The following PAX1 variants were observed in gnomAD, a reference collection of about 807,000 sequenced individuals.
The protein encoded by PAX1 is paired box protein Pax-1.
PAX1 carries 18 observed loss-of-function variants against 35.6 expected under a neutral mutation model. That is an observed-to-expected ratio of 0.50 (90% CI 0.35 to 0.75). The LOEUF (loss-of-function observed/expected upper bound fraction) is 0.75, where lower values mean the gene tolerates loss of function less well. Among genes scored for constraint, PAX1 ranks in the 30% least tolerant of loss-of-function variants. The probability of loss-of-function intolerance (pLI) is 0.01; values close to 1 mark genes in which losing one functional copy is unlikely to be tolerated. For missense variants in PAX1, 760 were observed against 661.5 expected, an observed-to-expected ratio of 1.15 and a Z score of -1.63; for synonymous variants, 397 against 305.2, an observed-to-expected ratio of 1.30 and a Z score of -3.14.
At position 21,706,617 on chromosome 20, in the gene PAX1, G is replaced by C; in HGVS notation, c.466G>C (p.Glu156Gln). ...CVSKILARYN[E>Q]TGSILPGAIG... ...GAGCAAGATCCTGGCGCGCTACAAC[G>C]AGACCGGCTCCATTCTGCCCGGGGC... Residue 156 changes from glutamate to glutamine, a missense_variant, in exon 2 of 5, where the codon GAG becomes CAG. This residue lies in a region of PAX1 where 490 missense variants were observed against 428.4 expected (regional missense o/e 1.14). Transcript: ENST00000613128. The surrounding 1 kb of genome is among the most constrained non-coding windows in gnomAD (Gnocchi z 5.3). 1.2e-6 allele frequency: 2 copies of C among 1,612,208 alleles called. No homozygotes were observed. The highest frequency in any genetic ancestry group is 8.5e-7 in the Non-Finnish European group (1 of 1,180,028).
intron 4 of PAX1, among the ~76,000 whole-genome samples, chr20:21,709,731 G>A (rs989114162): frequency 4.6e-5 from 7 of 152,084 alleles, no homozygotes; most frequent in African/African-American, 1.7e-4. Context: ...CAGGACGCGT[G>A]GGTTTGGATC....
intron 2 of PAX1, among the ~76,000 whole-genome samples, chr20:21,707,945 C>G (rs1397106922): frequency 6.6e-6 from 1 of 152,186 alleles, no homozygotes; most frequent in Non-Finnish European, 1.5e-5. Context: ...TGGCTCTAAC[C>G]CAGCCTAAGG....
At chr20:21,708,768 AAGAG>A (rs1224539172) in intron 3 of PAX1, 68 bp downstream of exon 3, 15 of 1,536,412 alleles carry the variant, frequency 9.8e-6, no homozygotes, top group Non-Finnish European at 1.3e-5. Flanking sequence ...AGTGGGGAAA[AAGAG>A]AGAGAAAGAA....
chr20:21,714,175 G>T (rs989278790), intron 4 of PAX1, among the ~76,000 whole-genome samples: 5 of 152,220 alleles, frequency 3.3e-5, no homozygotes, highest in Non-Finnish European at 7.3e-5. Flanking sequence ...GGTGGTGAGG[G>T]GGTTGGACGG....
At chr20:21,710,570 G>T (rs1985168167) in intron 4 of PAX1, among the ~76,000 whole-genome samples, 1 of 152,144 alleles carries the variant, frequency 6.6e-6, no homozygotes, top group South Asian at 2.1e-4. Flanking sequence ...CGAGGTGGAT[G>T]TAGTGGCAGG....
Position 21,714,856 on chromosome 20 carries a change from C to A in PAX1, c.*294C>A. ...CTCTGACGTGGCCTCCTTCGCTCTG[C>A]CAGCTTCAAATTTCTTTTTTGTCAC... On this transcript the variant is annotated 3_prime_UTR_variant, in exon 5 of 5. Coordinates refer to ENST00000613128, the MANE Select transcript of PAX1 (RefSeq NM_001257096.2). 6.9e-7 allele frequency: 1 copy of A among 1,458,952 alleles called. No individual in the cohort carries two copies. The highest frequency in any genetic ancestry group is 9.5e-7 in the Non-Finnish European group (1 of 1,053,834). The allele number at this position is 1,458,952 out of a possible 1,614,324, so 90.4% of individuals were successfully genotyped here. A position where few individuals can be genotyped will look rare whatever the true frequency, so the allele number is the denominator to read the frequency against.
rs1296703082 is a variant in PAX1 at position 21,717,875 on chromosome 20, A to G, written c.*3313A>G. 1 of 152,198 alleles carries G rather than the reference A, an allele frequency of 6.6e-6. No individual in the cohort carries two copies. Among genetic ancestry groups the G allele is most frequent in the Non-Finnish European group, 1.5e-5 (1 of 68,040 alleles). 9.4% of individuals were successfully genotyped at this position (152,198 alleles called of 1,614,324 possible). The stretch of plus-strand genomic sequence containing the variant: ...TCTTCCTGCTCTCATTTTTGTTCTT[A>G]AAGGTGAATGCTGTTATAGTCTTTT... On this transcript the variant is annotated 3_prime_UTR_variant, in exon 5 of 5. Transcript: ENST00000613128.
intron 3 of PAX1, 28 bp downstream of exon 3, chr20:21,708,728 C>T (rs373116104): frequency 1.1e-5 from 17 of 1,610,896 alleles, no homozygotes; most frequent in Middle Eastern, 1.6e-4. Context: ...GAGGCCGTGA[C>T]CTTAAGTAGG....
At chr20:21,708,439 C>T (rs1409975893) in intron 2 of PAX1, 119 bp from the exon 3 acceptor site, 2 of 1,141,540 alleles carry the variant, frequency 1.8e-6, no homozygotes, top group Non-Finnish European at 2.7e-6. Context: ...AGTGTCAGGC[C>T]ACCTACAAAT....
At position 21,714,908 on chromosome 20, in the gene PAX1, T is replaced by G; in HGVS notation, c.*346T>G. The G allele has an allele frequency of 5.6e-6, 5 of 885,136 alleles. No individual in the cohort carries two copies. The Admixed American group carries it at 9.9e-5, about 18-fold the overall frequency. The allele number at this position is 885,136 out of a possible 1,614,324, so 54.8% of individuals were successfully genotyped here. On this transcript the variant is annotated 3_prime_UTR_variant, in exon 5 of 5. Coordinates refer to ENST00000613128, the MANE Select transcript of PAX1 (RefSeq NM_001257096.2). ...CCCTTGTCCGTCTCCGTCTCGCCTC[T>G]CTCCCTGTTTCCTTCCCCCCTCTTT...
At position 21,707,078 on chromosome 20, in the gene PAX1, G is replaced by C. The variant is rs763844696; in HGVS notation, c.916+11G>C. 3 of 1,612,900 alleles carry C rather than the reference G, an allele frequency of 1.9e-6. No homozygotes were observed. The highest frequency in any genetic ancestry group is 2.7e-5 in the African/African-American group (2 of 74,930). On this transcript the variant is annotated intron_variant, in intron 2 of 4. Transcript: ENST00000613128. The stretch of plus-strand genomic sequence containing the variant: ...TTATGGAGCAAACAGGTCAGTTGTG[G>C]CGGCCTCCGTAGCCTTCTATTAAGG...
Position 21,706,058 on chromosome 20 carries a change from G to C in PAX1, c.286+60G>C. 7.6e-7 allele frequency: 1 copy of C among 1,320,604 alleles called. No individual in the cohort carries two copies. The highest frequency in any genetic ancestry group is 1.5e-5 in the South Asian group (1 of 68,078). 81.8% of individuals were successfully genotyped at this position (1,320,604 alleles called of 1,614,324 possible). ...CTGATGAGGTGGGTCGGGTCCGCCT[G>C]CCTCCCTTCCCTCTCGTCCGCTTTC... On this transcript the variant is annotated intron_variant, in intron 1 of 4. Transcript: ENST00000613128. This position sits in a 1 kb window ranked among gnomAD's most constrained non-coding sequence, Gnocchi z 5.3.
rs912867900 is a variant in PAX1, at chr20:21,714,999, C to G, written c.*437C>G. Reference sequence around the variant, plus strand: ...TCCCTACCTTCCACCCCGGCTTTCCCCGACCTTCCAGGGCTCCCTCTGCCC... The same window carrying G: ...TCCCTACCTTCCACCCCGGCTTTCCGCGACCTTCCAGGGCTCCCTCTGCCC... On this transcript the variant is annotated 3_prime_UTR_variant, in exon 5 of 5. Coordinates refer to ENST00000613128, the MANE Select transcript of PAX1 (RefSeq NM_001257096.2). 1.5e-6 allele frequency: 1 copy of G among 654,490 alleles called. No homozygotes were observed. Among genetic ancestry groups the G allele is most frequent in the Non-Finnish European group, 2.7e-6 (1 of 366,330 alleles). The allele number at this position is 654,490 out of a possible 1,614,324, so 40.5% of individuals were successfully genotyped here.
At position 21,708,605 on chromosome 20, in the gene PAX1, G is replaced by A. The variant is rs202103929; in HGVS notation, c.964G>A (p.Asp322Asn). ...CACCGCTTACTCTCCCAAGATGGAAGACTGGGCCGGCGTGAACCGCACGGC... is the reference window on the plus strand; with the variant it reads ...CACCGCTTACTCTCCCAAGATGGAAAACTGGGCCGGCGTGAACCGCACGGC... ...EGTAYSPKMEDWAGVNRTAFP... is the reference protein window; with the variant it reads ...EGTAYSPKMENWAGVNRTAFP... The change falls in exon 3 of 5, where the codon GAC becomes AAC. Residue 322 changes from aspartate to asparagine, a missense_variant. Physicochemically the swap from Asp to Asn is conservative, Grantham distance 23 (BLOSUM62 1). Around this residue, in one of 3 missense-constraint regions of PAX1, gnomAD observed 490 missense variants for 428.4 expected, o/e 1.14. Transcript: ENST00000613128. The A allele has an allele frequency of 1.1e-4, 171 of 1,613,798 alleles. 1 individual carries two copies. In the Admixed American group the frequency reaches 2.8e-3, roughly 26 times the overall value.
rs1370953824 is a variant in PAX1, at chr20:21,705,917, G to A, written c.205G>A (p.Ala69Thr). Residue 69 changes from alanine to threonine, a missense_variant, in exon 1 of 5, where the codon GCT (alanine) becomes ACT (threonine). Transcript: ENST00000613128. ...CTCACGCGGCGGCGGCGGCGCCCAAGCTCTCCCGGACTGCGCCGGGCCCAG... is the reference window on the plus strand; with the variant it reads ...CTCACGCGGCGGCGGCGGCGCCCAAACTCTCCCGGACTGCGCCGGGCCCAG... The part of the protein sequence containing the change: ...CLSRGGGGAQ[A>T]LPDCAGPSPG... 14 of 1,413,060 alleles carry A rather than the reference G, an allele frequency of 9.9e-6. No homozygotes were observed. The highest frequency in any genetic ancestry group is 2.6e-4 in the Middle Eastern group (1 of 3,906). 87.5% of individuals were successfully genotyped at this position (1,413,060 alleles called of 1,614,324 possible). A position where few individuals can be genotyped will look rare whatever the true frequency, so the allele number is the denominator to read the frequency against.
At position 21,708,627 on chromosome 20, in the gene PAX1, C is replaced by G. The variant is rs764254894; in HGVS notation, c.986C>G (p.Thr329Arg). 1.9e-6 allele frequency: 3 copies of G among 1,613,466 alleles called. No individual in the cohort carries two copies. Among genetic ancestry groups the G allele is most frequent in the South Asian group, 2.2e-5 (2 of 91,090 alleles). Residue 329 changes from threonine to arginine, a missense_variant, in exon 3 of 5, where the codon ACG becomes AGG. By Grantham distance (71) the Thr-to-Arg change is moderately conservative. This residue lies in a region of PAX1 where 490 missense variants were observed against 428.4 expected (regional missense o/e 1.14). Transcript: ENST00000613128. ...KMEDWAGVNRTAFPATPAVNG... is the reference protein window; with the variant it reads ...KMEDWAGVNRRAFPATPAVNG... Reference sequence around the variant, plus strand: ...GAAGACTGGGCCGGCGTGAACCGCACGGCCTTCCCCGCCACCCCCGCAGTG... The same window carrying G: ...GAAGACTGGGCCGGCGTGAACCGCAGGGCCTTCCCCGCCACCCCCGCAGTG...
Position 21,706,806 on chromosome 20 carries a change from C to A in PAX1, c.655C>A (p.Arg219Ser). Reference protein sequence around the residue: ...YNVPSVSSISRILRNKIGSLA... With the variant: ...YNVPSVSSISSILRNKIGSLA... ...TGTGCCTTCGGTGAGCTCCATCAGC[C>A]GCATCCTGCGCAACAAGATCGGCAG... The change falls in exon 2 of 5, where the codon CGC (arginine) becomes AGC (serine). Residue 219 changes from arginine to serine, a missense_variant. Coordinates refer to ENST00000613128, the MANE Select transcript of PAX1 (RefSeq NM_001257096.2). The surrounding 1 kb of genome is among the most constrained non-coding windows in gnomAD (Gnocchi z 5.3). The A allele has an allele frequency of 6.2e-7, 1 of 1,613,588 alleles. No homozygotes were observed. Among genetic ancestry groups the A allele is most frequent in the Non-Finnish European group, 8.5e-7 (1 of 1,180,032 alleles).
At position 21,706,665 on chromosome 20, in the gene PAX1, G is replaced by A. The variant is rs779310836; in HGVS notation, c.514G>A (p.Val172Ile). The change falls in exon 2 of 5, where the codon GTC becomes ATC. Residue 172 changes from valine (V) to isoleucine (I), a missense_variant. Around this residue, in one of 3 missense-constraint regions of PAX1, gnomAD observed 490 missense variants for 428.4 expected, o/e 1.14. Transcript: ENST00000613128. The surrounding 1 kb of genome is among the most constrained non-coding windows in gnomAD (Gnocchi z 5.3). ...GGCCATCGGGGGGAGCAAGCCCCGC[G>A]TCACCACTCCCAACGTGGTCAAGCA... Reference protein sequence around the residue: ...PGAIGGSKPRVTTPNVVKHIR... With the variant: ...PGAIGGSKPRITTPNVVKHIR... The A allele has an allele frequency of 3.1e-6, 5 of 1,612,554 alleles. No homozygotes were observed. Among genetic ancestry groups the A allele is most frequent in the Non-Finnish European group, 4.2e-6 (5 of 1,180,032 alleles).
chr20:21,706,886 G>T lies in PAX1; in HGVS notation c.735G>T (p.Thr245=). Residue 245 remains threonine, a synonymous_variant, in exon 2 of 5, where the codon ACG becomes ACT. Coordinates refer to ENST00000613128, the MANE Select transcript of PAX1 (RefSeq NM_001257096.2). The surrounding 1 kb of genome is among the most constrained non-coding windows in gnomAD (Gnocchi z 5.3). ...GTAAGCAGCCGCCGTCGCAGCCTACGCTGCCCTACAACCACATCTACCAGT... is the reference window on the plus strand; with the variant it reads ...GTAAGCAGCCGCCGTCGCAGCCTACTCTGCCCTACAACCACATCTACCAGT... ...EASKQPPSQP[T]LPYNHIYQYP... is the part of the protein sequence containing the mutation. 1 of 1,613,442 alleles carries T rather than the reference G, an allele frequency of 6.2e-7. No homozygotes were observed. Among genetic ancestry groups the T allele is most frequent in the Non-Finnish European group, 8.5e-7 (1 of 1,180,002 alleles).
Sources: allele counts gnomAD v4.1 joint callset (sites outside exome capture counted in the v4.1 genomes callset), GRCh38; gene constraint gnomAD v4.1.1; regional missense constraint gnomAD v4.1.1; non-coding constraint Gnocchi (gnomAD v3.1); transcripts MANE v1.5; gene names NCBI Gene and HGNC (gene_info 2026-07-23, HGNC 2026-07-21).